The following UACA variants were observed in gnomAD, a reference collection of about 807,000 sequenced individuals.
UACA encodes the protein nuclear membrane binding protein.
A neutral mutation model predicts 160.5 loss-of-function variants in UACA; 112 were observed. That is an observed-to-expected ratio of 0.70 (90% CI 0.60 to 0.82). UACA has a LOEUF of 0.82. UACA is among the 40% of genes least tolerant of loss of function. The probability of loss-of-function intolerance (pLI) is 0.00; values close to 1 mark genes in which losing one functional copy is unlikely to be tolerated. For synonymous variants in UACA, 557 were observed against 568.4 expected (o/e 0.98, Z 0.29); for missense variants, 1,574 against 1,614.6 (o/e 0.97, Z 0.43).
At chr15:70,727,617 C>G (rs1277795945) in intron 1 of UACA, among the ~76,000 whole-genome samples, 1 of 152,064 alleles carries the variant, frequency 6.6e-6, no homozygotes, top group Non-Finnish European at 1.5e-5. Flanking sequence ...TCCTATTAAA[C>G]TTTTTATTTG....
At chr15:70,703,905 T>C (rs755309446) in intron 1 of UACA, among the ~76,000 whole-genome samples, 2 of 152,128 alleles carry the variant, frequency 1.3e-5, no homozygotes, top group Non-Finnish European at 2.9e-5. Context: ...TCTTCTCCAA[T>C]GTCACTTCCT....
At chr15:70,760,650 T>C (rs992747714) in intron 1 of UACA, among the ~76,000 whole-genome samples, 1 of 151,616 alleles carries the variant, frequency 6.6e-6, no homozygotes, top group Non-Finnish European at 1.5e-5. Context: ...CTACTAAAAA[T>C]ACAAAAATTA....
chr15:70,744,510 C>T (rs892078585), intron 1 of UACA, among the ~76,000 whole-genome samples: 1 of 152,056 alleles, frequency 6.6e-6, no homozygotes, highest in African/African-American at 2.4e-5. Flanking sequence ...ACTTCACCTC[C>T]CTAGCCAGAG....
At chr15:70,673,517 A>G (rs371709805) in intron 13 of UACA, among the ~76,000 whole-genome samples, 2 of 152,200 alleles carry the variant, frequency 1.3e-5, no homozygotes, top group East Asian at 3.9e-4. Context: ...TCTTTGTTCT[A>G]TGGAATATTT....
upstream of UACA, among the ~76,000 whole-genome samples, chr15:70,764,658 G>A (rs1468104684): frequency 6.6e-6 from 1 of 152,184 alleles, no homozygotes; most frequent in Non-Finnish European, 1.5e-5. Flanking sequence ...AAAGTTTTCA[G>A]AATTTCTTGG....
At position 70,655,798 on chromosome 15, in the gene UACA, C is replaced by A. The variant is rs1363046107; in HGVS notation, c.*1258G>T. 1 of 152,034 alleles carries A rather than the reference C, an allele frequency of 6.6e-6. No homozygotes were observed. Among genetic ancestry groups the A allele is most frequent in the African/African-American group, 2.4e-5 (1 of 41,398 alleles). 9.4% of individuals were successfully genotyped at this position (152,034 alleles called of 1,614,324 possible). A position where few individuals can be genotyped will look rare whatever the true frequency, so the allele number is the denominator to read the frequency against. On this transcript the variant is annotated 3_prime_UTR_variant, in exon 19 of 19. Transcript: ENST00000322954. ...AAAAATGGGATTTAAAAATCTGGTT[C>A]GGGATGTTCAAAGATAATTGCTAAG...
upstream of UACA, among the ~76,000 whole-genome samples, chr15:70,766,445 C>A (rs978648568): frequency 6.7e-6 from 1 of 149,212 alleles, no homozygotes; most frequent in East Asian, 2.0e-4. Flanking sequence ...TGTTTTACTT[C>A]TTTTTTTTTT....
the UACA span, among the ~76,000 whole-genome samples, chr15:70,778,169 C>T: frequency 1.4e-4 from 21 of 151,548 alleles, no homozygotes; most frequent in South Asian, 4.4e-3. Flanking sequence ...CCATTGCACT[C>T]CAACCTGGGT....
At chr15:70,680,308 A>AC (rs372921216) in intron 9 of UACA, among the ~76,000 whole-genome samples, 60 of 152,022 alleles carry the variant, frequency 3.9e-4, no homozygotes, top group African/African-American at 1.4e-3. Flanking sequence ...CAAGAGAATA[A>AC]CCCCCCTTTC....
chr15:70,726,511 C>T (rs1053468877), intron 1 of UACA, among the ~76,000 whole-genome samples: 1 of 152,192 alleles, frequency 6.6e-6, no homozygotes, highest in Admixed American at 6.5e-5. Context: ...TCACGACTTT[C>T]TCCACTTATT....
intron 1 of UACA, among the ~76,000 whole-genome samples, chr15:70,736,296 C>T (rs186524117): frequency 3.0e-4 from 45 of 152,112 alleles, no homozygotes; most frequent in Non-Finnish European, 4.6e-4. Flanking sequence ...AGTTTCCATA[C>T]TTCTTAGCAT....
chr15:70,768,265 T>C (rs2031063719), upstream of UACA: 2 of 152,238 alleles, frequency 1.3e-5, no homozygotes, highest in South Asian at 4.1e-4. Context: ...TTACCACTTA[T>C]CTTCCAAAGA....
chr15:70,759,398 G>A (rs773031161), intron 1 of UACA, among the ~76,000 whole-genome samples: 8 of 152,222 alleles, frequency 5.3e-5, no homozygotes, highest in Admixed American at 1.3e-4. Context: ...GCTGATGCTT[G>A]TAATCCCAGC....
At chr15:70,757,582 G>C (rs2030506853) in intron 1 of UACA, among the ~76,000 whole-genome samples, 1 of 152,112 alleles carries the variant, frequency 6.6e-6, no homozygotes, top group Admixed American at 6.5e-5. Flanking sequence ...CAGCTATTTG[G>C]CTACCTTGAG....
intron 2 of UACA, 87 bp downstream of exon 2, chr15:70,699,440 T>C (rs1207056164): frequency 1.4e-6 from 2 of 1,458,538 alleles, no homozygotes; most frequent in Admixed American, 4.2e-5. Flanking sequence ...AATAAGTAAG[T>C]TGATAACTAC....
intron 3 of UACA, among the ~76,000 whole-genome samples, chr15:70,694,737 C>T (rs1898067267): frequency 6.6e-6 from 1 of 152,086 alleles, no homozygotes; most frequent in Admixed American, 6.6e-5. Flanking sequence ...CCTAATGGTT[C>T]TTCAAAATCT....
At chr15:70,719,136 C>CAGAAG (rs111651491) in intron 1 of UACA, among the ~76,000 whole-genome samples, 206 of 151,422 alleles carry the variant, frequency 1.4e-3, no homozygotes, top group East Asian at 0.013. Context: ...GAGAAGAGAA[C>CAGAAG]AGAAGAGAAG....
At chr15:70,777,352 G>T in the UACA span, among the ~76,000 whole-genome samples, 3 of 152,096 alleles carry the variant, frequency 2.0e-5, no homozygotes, top group Non-Finnish European at 4.4e-5. Context: ...TGATTCTGGA[G>T]GCCAGGAGGG....
intron 1 of UACA, among the ~76,000 whole-genome samples, chr15:70,710,397 G>A (rs915980544): frequency 6.6e-6 from 1 of 152,070 alleles, no homozygotes; most frequent in Non-Finnish European, 1.5e-5. Context: ...AAATACTTCC[G>A]TGACCAAATG....
Sources: gnomAD v4.1 joint callset for allele counts (sites outside exome capture counted in the v4.1 genomes callset) on GRCh38, gnomAD v4.1.1 for gene constraint, MANE v1.5 for transcripts, NCBI Gene and HGNC (gene_info 2026-07-23, HGNC 2026-07-21) for gene names.